RTKN: variants seen among roughly 807,000 people sequenced by gnomAD.
RTKN encodes the protein rhotekin.
A neutral mutation model predicts 63.5 loss-of-function variants in RTKN; 49 were observed. That is an observed-to-expected ratio of 0.77 (90% CI 0.61 to 0.98). The LOEUF (loss-of-function observed/expected upper bound fraction) is 0.98. Ranked by LOEUF, RTKN falls within the 50% of genes least tolerant of loss-of-function variation. The pLI is 0.00. For missense variants in RTKN, 685 were observed against 740.8 expected (o/e 0.92, Z 0.87); for synonymous variants, 295 against 290.4 (o/e 1.02, Z -0.16).
Position 74,441,753 on chromosome 2 carries a change from A to C in RTKN, c.64T>G (p.Phe22Val). ...CTGAGTCGGAAGCGGCCGCGTTTGA[A>C]CTCCATCTCCAGGGCGGAGCCCCTG... ...VARGSALEME[F>V]KRGRFRLSLF... Residue 22 changes from phenylalanine to valine, a missense_variant, in exon 1 of 12, where the codon TTC becomes GTC. Coordinates refer to ENST00000272430, the MANE Select transcript of RTKN (RefSeq NM_001015055.2). 1.2e-6 allele frequency: 2 copies of C among 1,611,516 alleles called. No homozygotes were observed. The highest frequency in any genetic ancestry group is 1.7e-6 in the Non-Finnish European group (2 of 1,179,470).
At chr2:74,426,953 T>A in intron 11 of RTKN, 1 of 985,374 alleles carries the variant, frequency 1.0e-6, no homozygotes. Context: ...GAAATGATCC[T>A]GGCTCACTGG....
chr2:74,439,612 C>T lies in RTKN; in HGVS notation c.111+2094G>A, dbSNP rs374261179. The T allele has an allele frequency of 2.7e-5, 44 of 1,613,982 alleles. No homozygotes were observed. The African/African-American group carries it at 5.7e-4, about 21-fold the overall frequency. On this transcript the variant is annotated intron_variant, in intron 1 of 11. Transcript: ENST00000272430. ...ATTCAGGTCCTCCAGGATGTGCAAT[C>T]TGTCCTGCATCTCTGTGCCCCCCGG...
At chr2:74,440,502 T>A in intron 1 of RTKN, 1 of 986,866 alleles carries the variant, frequency 1.0e-6, no homozygotes, top group Non-Finnish European at 1.2e-6. Flanking sequence ...CGCCCCCGCC[T>A]CCACGCCAGG....
chr2:74,430,894 C>T (rs1670713383), intron 2 of RTKN: 2 of 580,314 alleles, frequency 3.4e-6, no homozygotes, highest in Non-Finnish European at 6.1e-6. Context: ...GCCACATTAA[C>T]TCACACATAA....
Position 74,428,837 on chromosome 2 carries a change from C to G in RTKN, c.850+11G>C. The stretch of plus-strand genomic sequence containing the variant: ...CACATGTGTATGTCCCCCATGCACA[C>G]ACATACTTACCATGACTGGCAAGGG... On this transcript the variant is annotated intron_variant, in intron 7 of 11. Coordinates refer to ENST00000272430, the MANE Select transcript of RTKN (RefSeq NM_001015055.2). 3.1e-6 allele frequency: 5 copies of G among 1,612,238 alleles called. No individual in the cohort carries two copies. The highest frequency in any genetic ancestry group is 4.2e-6 in the Non-Finnish European group (5 of 1,178,328).
intron 1 of RTKN, among the ~76,000 whole-genome samples, chr2:74,438,841 T>C (rs1328800481): frequency 6.6e-6 from 1 of 152,256 alleles, no homozygotes; most frequent in Non-Finnish European, 1.5e-5. Context: ...ATCCCCATTT[T>C]CATCATAATT....
rs2103913577 is a variant in RTKN, at chr2:74,436,018, T to C, written c.112-3352A>G. On this transcript the variant is annotated intron_variant, in intron 1 of 11. Transcript: ENST00000272430. The surrounding 1 kb of genome is among the most constrained non-coding windows in gnomAD (Gnocchi z 4.3). ...AAGCCCTTTCAGACTACATAGGTCC[T>C]CCCAGTCTAGTTTTGTCTGCACCAG... Among the ~76,000 whole-genome samples, 1 of 152,274 alleles carries C rather than the reference T, an allele frequency of 6.6e-6. No homozygotes were observed. Among genetic ancestry groups the C allele is most frequent in the Non-Finnish European group, 1.5e-5 (1 of 68,018 alleles).
intron 1 of RTKN, chr2:74,440,173 A>AG (rs1241726149): frequency 7.5e-6 from 3 of 398,504 alleles, no homozygotes; most frequent in Non-Finnish European, 1.0e-5. Flanking sequence ...GCTTCCCGAG[A>AG]GGGGTTCCAG....
chr2:74,427,683 T>C, intron 9 of RTKN, 91 bp from the exon 10 acceptor site: 1 of 1,379,548 alleles, frequency 7.2e-7, no homozygotes, highest in Non-Finnish European at 1.0e-6. Flanking sequence ...AAGAATGAGC[T>C]TGTGGGGCTT....
chr2:74,426,679 C>T (rs1041391724), intron 11 of RTKN, 105 bp from the exon 12 acceptor site: 65 of 1,444,256 alleles, frequency 4.5e-5, no homozygotes, highest in Non-Finnish European at 5.4e-5. Context: ...GAAAGCAAAG[C>T]CTGGATCTCA....
chr2:74,429,551 C>G (rs1005717434), intron 6 of RTKN, among the ~76,000 whole-genome samples: 1 of 151,996 alleles, frequency 6.6e-6, no homozygotes, highest in African/African-American at 2.4e-5. Flanking sequence ...ATAGTGAGAC[C>G]CTGTCTCTAA....
At chr2:74,428,177 TCTC>T in intron 9 of RTKN, 88 bp downstream of exon 9, 2 of 1,564,494 alleles carry the variant, frequency 1.3e-6, no homozygotes, top group South Asian at 2.3e-5. Context: ...TGCTTCTATC[TCTC>T]TGAGGTATGT....
At chr2:74,426,620 C>T (rs1249368230) in intron 11 of RTKN, 46 bp from the exon 12 acceptor site, 3 of 1,506,878 alleles carry the variant, frequency 2.0e-6, no homozygotes, top group Non-Finnish European at 2.7e-6. Context: ...CTAGTCAGAG[C>T]TCAGGCCCCA....
chr2:74,440,136 G>C (rs953325898), intron 1 of RTKN: 1 of 446,818 alleles, frequency 2.2e-6, no homozygotes, highest in African/African-American at 2.1e-5. Flanking sequence ...GCAGGTTCTA[G>C]AGTCATGGGG....
Position 74,441,913 on chromosome 2 carries a change from A to G in RTKN, c.-97T>C. On this transcript the variant is annotated 5_prime_UTR_variant, in exon 1 of 12. Coordinates refer to ENST00000272430, the MANE Select transcript of RTKN (RefSeq NM_001015055.2). Reference sequence around the variant, plus strand: ...TTCTGTCTCTCGACGCTCGTCCGCCAGTCCGGCCGGGAATCTCCCGCTGCG... The same window carrying G: ...TTCTGTCTCTCGACGCTCGTCCGCCGGTCCGGCCGGGAATCTCCCGCTGCG... 1 of 738,892 alleles carries G rather than the reference A, an allele frequency of 1.4e-6. No individual in the cohort carries two copies. The highest frequency in any genetic ancestry group is 2.3e-6 in the Non-Finnish European group (1 of 443,590). The allele number at this position is 738,892 out of a possible 1,614,324, so 45.8% of individuals were successfully genotyped here. A position where few individuals can be genotyped will look rare whatever the true frequency, so the allele number is the denominator to read the frequency against.
chr2:74,432,622 C>G lies in RTKN; in HGVS notation c.156G>C (p.Arg52Ser), dbSNP rs1238992087. The change falls in exon 2 of 12, where the codon AGG becomes AGC. Residue 52 changes from arginine to serine, a missense_variant. Coordinates refer to ENST00000272430, the MANE Select transcript of RTKN (RefSeq NM_001015055.2). ...QRKLDHEIRM[R>S]EGACKLLAAC... ...CTGCCAGCAGCTTACAGGCCCCTTCCCTCATCCGGATCTCATGGTCTAGCT... is the reference window on the plus strand; with the variant it reads ...CTGCCAGCAGCTTACAGGCCCCTTCGCTCATCCGGATCTCATGGTCTAGCT... 1 of 1,614,184 alleles carries G rather than the reference C, an allele frequency of 6.2e-7. No individual in the cohort carries two copies. Among genetic ancestry groups the G allele is most frequent in the South Asian group, 1.1e-5 (1 of 91,078 alleles).
At chr2:74,433,115 C>T (rs886671975) in intron 1 of RTKN, among the ~76,000 whole-genome samples, 6 of 151,642 alleles carry the variant, frequency 4.0e-5, no homozygotes, top group African/African-American at 9.7e-5. Context: ...TGGTGGCGGG[C>T]GCCTGTAGTC....
chr2:74,428,720 G>A lies in RTKN; in HGVS notation c.868C>T (p.Leu290=). The part of the protein sequence containing the change: ...LASHEENPAW[L]PLYGSVCCRL... ...CAACACACGCTACCATAAAGGGGCA[G>A]CCAGGCAGGGTTCTCCTCTGGGGGA... Residue 290 remains leucine, a synonymous_variant, in exon 8 of 12, where the codon CTG becomes TTG. Transcript: ENST00000272430. 6.2e-7 allele frequency: 1 copy of A among 1,613,956 alleles called. No homozygotes were observed. Among genetic ancestry groups the A allele is most frequent in the South Asian group, 1.1e-5 (1 of 91,020 alleles).
chr2:74,429,487 G>T (rs1418240907), intron 6 of RTKN, among the ~76,000 whole-genome samples: 1 of 152,194 alleles, frequency 6.6e-6, no homozygotes, highest in Non-Finnish European at 1.5e-5. Flanking sequence ...CACTTTGGGA[G>T]GCCGAGGCGG....
Sources: allele counts gnomAD v4.1 joint callset (sites outside exome capture counted in the v4.1 genomes callset), GRCh38; gene constraint gnomAD v4.1.1; non-coding constraint Gnocchi (gnomAD v3.1); transcripts MANE v1.5; gene names NCBI Gene and HGNC (gene_info 2026-07-23, HGNC 2026-07-21).